The following ADGRG2 variants were observed in gnomAD, a reference collection of about 807,000 sequenced individuals.
The protein encoded by ADGRG2 is adhesion G protein-coupled receptor G2.
ADGRG2 carries 26 observed loss-of-function variants against 74.1 expected under a neutral mutation model. That is an observed-to-expected ratio of 0.35 (90% CI 0.26 to 0.49). ADGRG2 has a LOEUF of 0.49. ADGRG2 is among the 20% of genes least tolerant of loss of function. The pLI is 0.99. For synonymous variants in ADGRG2, 296 were observed against 295.2 expected (o/e 1.00, Z -0.03); for missense variants, 619 against 763.1 (o/e 0.81, Z 2.22).
rs180910788 is a variant in ADGRG2 at position 19,078,052 on chromosome X, G to C, written c.-2+4650C>G. Among the ~76,000 whole-genome samples the C allele has an allele frequency of 5.4e-5, 6 of 111,952 alleles. No individual in the cohort carries two copies. In the East Asian group the frequency reaches 1.7e-3, roughly 31 times the overall value. ...ATCTAGAAGCCCCCATTCAACAACT[G>C]CAGCGCGCATAATCTTTTCAAGAGC... On this transcript the variant is annotated intron_variant, in intron 2 of 28. Coordinates refer to ENST00000379869, the MANE Select transcript of ADGRG2 (RefSeq NM_001079858.3).
intron 20 of ADGRG2, among the ~76,000 whole-genome samples, 156 bp from the exon 21 acceptor site, chrX:19,006,421 C>T (rs2060233728): frequency 9.1e-6 from 1 of 110,142 alleles, no homozygotes; most frequent in South Asian, 3.8e-4. Context: ...TTATATGGTC[C>T]CTAGAAGCAA....
In ADGRG2 at chrX:19,009,614, AT is replaced by A; in HGVS notation, c.1422+11del. On this transcript the variant is annotated intron_variant, in intron 18 of 28. Transcript: ENST00000379869. ...AAGAGAATGTTTTTTTCTGCCATCA[AT>A]TATGATGTACCTGAAGATTTGCAGG... is the stretch of plus-strand genomic sequence containing the variant. The A allele has an allele frequency of 8.3e-7, 1 of 1,197,629 alleles. No individual in the cohort carries two copies. The highest frequency in any genetic ancestry group is 1.1e-6 in the Non-Finnish European group (1 of 882,755).
chrX:19,017,816 A>G (rs1424553535), intron 15 of ADGRG2, among the ~76,000 whole-genome samples: 1 of 110,552 alleles, frequency 9.0e-6, no homozygotes, highest in Non-Finnish European at 1.9e-5. Context: ...TTTTTATCTG[A>G]TTGTAGAAGA....
Position 19,010,602 on chromosome X carries a change from C to A in ADGRG2, c.1265+11G>T. On this transcript the variant is annotated intron_variant, in intron 17 of 28. Coordinates refer to ENST00000379869, the MANE Select transcript of ADGRG2 (RefSeq NM_001079858.3). Reference sequence around the variant, plus strand: ...CCCCTCTTACCACCACTTCAGTTTGCGAAGTCGTACCTTTGAGCCAGAGGG... The same window carrying A: ...CCCCTCTTACCACCACTTCAGTTTGAGAAGTCGTACCTTTGAGCCAGAGGG... 8.4e-7 allele frequency: 1 copy of A among 1,193,514 alleles called. No homozygotes were observed. The highest frequency in any genetic ancestry group is 1.1e-6 in the Non-Finnish European group (1 of 884,257).
chrX:19,031,387 A>C, intron 8 of ADGRG2: 1 of 167,479 alleles, frequency 6.0e-6, no homozygotes, highest in Non-Finnish European at 1.1e-5. Flanking sequence ...ATGGCCCTTA[A>C]TCATAGATCC....
intron 1 of ADGRG2, among the ~76,000 whole-genome samples, chrX:19,120,189 T>C (rs1011286269): frequency 9.0e-6 from 1 of 111,540 alleles, no homozygotes; most frequent in Admixed American, 9.6e-5. Flanking sequence ...AGAATACTCC[T>C]GAAAAGCTAC....
intron 1 of ADGRG2, among the ~76,000 whole-genome samples, chrX:19,093,031 C>T (rs2062037318): frequency 8.9e-6 from 1 of 111,832 alleles, no homozygotes; most frequent in Admixed American, 9.5e-5. Flanking sequence ...AAACATGGCT[C>T]TTTGGTGCCC....
chrX:19,023,734 G>A (rs772285057), intron 12 of ADGRG2, among the ~76,000 whole-genome samples, 175 bp downstream of exon 12: 1 of 111,891 alleles, frequency 8.9e-6, no homozygotes, highest in African/African-American at 3.2e-5. Flanking sequence ...TCCTTATAAT[G>A]TCTACCCATT....
At chrX:19,031,961 A>G (rs1355918925) in intron 8 of ADGRG2, 1 of 112,436 alleles carries the variant, frequency 8.9e-6, no homozygotes, top group Non-Finnish European at 1.9e-5. Context: ...GCCAAGGGAA[A>G]AACTTGTTAT....
chrX:19,109,818 A>G (rs1405295255), intron 1 of ADGRG2, among the ~76,000 whole-genome samples: 1 of 112,139 alleles, frequency 8.9e-6, no homozygotes, highest in Non-Finnish European at 1.9e-5. Context: ...GAGGGCCAGG[A>G]AAGTCCCACA....
Position 18,990,948 on chromosome X carries a change from C to T in ADGRG2, c.2970G>A (p.Lys990=). ...FTGKQHMFNE[K]EDSCNGKGRM... ...GGCCTTTCCCATTGCAGGAATCTTC[C>T]TTCTCGTTAAACATGTGCTGTTTTC... Residue 990 remains lysine, a synonymous_variant, in exon 29 of 29, where the codon AAG becomes AAA. Transcript: ENST00000379869. The T allele has an allele frequency of 8.3e-7, 1 of 1,205,620 alleles. No individual in the cohort carries two copies. The highest frequency in any genetic ancestry group is 1.1e-6 in the Non-Finnish European group (1 of 890,100).
chrX:19,055,680 T>C lies in ADGRG2; in HGVS notation c.118+13037A>G, dbSNP rs139312742. 8.6e-3 allele frequency among the ~76,000 whole-genome samples: 951 copies of C among 110,184 alleles called. 9 individuals carry two copies. The highest frequency in any genetic ancestry group is 0.029 in the African/African-American group (892 of 30,250). ...TCCAAGTTTGCTCTGGAGAGCACGA[T>C]GCGGCAGGCAAACGGGGAAAGAGAG... On this transcript the variant is annotated intron_variant, in intron 3 of 28. Coordinates refer to ENST00000379869, the MANE Select transcript of ADGRG2 (RefSeq NM_001079858.3).
chrX:19,070,934 C>G (rs2061644167), intron 2 of ADGRG2, among the ~76,000 whole-genome samples: 1 of 111,783 alleles, frequency 8.9e-6, no homozygotes, highest in African/African-American at 3.3e-5. Context: ...CAGTGGCTGG[C>G]ACTGTGAATG....
In ADGRG2 at chrX:18,999,879, T is replaced by C. The variant is rs3924227; in HGVS notation, c.2312A>G (p.Asn771Ser). The C allele has an allele frequency of 2.1e-3, 2,484 of 1,177,393 alleles. 52 individuals carry two copies. The East Asian group carries it at 0.062, about 29-fold the overall frequency. Reference sequence around the variant, plus strand: ...TACTCACAAGTCATCCGGTGAACCATTGGGGAATTTCCCATAGGATCCAAG... The same window carrying C: ...TACTCACAAGTCATCCGGTGAACCACTGGGGAATTTCCCATAGGATCCAAG... ...YGLGSYGKFP[N>S]GSPDDFCWIN... is the part of the protein sequence containing the mutation. The change falls in exon 25 of 29, where the codon AAT becomes AGT. Residue 771 changes from asparagine (N) to serine (S), a missense_variant. Physicochemically the swap from Asn to Ser is conservative, Grantham distance 46. Coordinates refer to ENST00000379869, the MANE Select transcript of ADGRG2 (RefSeq NM_001079858.3).
chrX:19,031,321 C>G (rs190579181), intron 8 of ADGRG2: 7 of 312,632 alleles, frequency 2.2e-5, no homozygotes, highest in Non-Finnish European at 3.9e-5. Context: ...AATCCCTCTC[C>G]TGTTCAGTAT....
At chrX:19,026,740 C>T (rs1314428130) in intron 11 of ADGRG2, among the ~76,000 whole-genome samples, 1 of 111,043 alleles carries the variant, frequency 9.0e-6, no homozygotes, top group African/African-American at 3.3e-5. Context: ...AGGTGATCCA[C>T]CTGCCTCGGC....
At chrX:19,017,377 A>G (rs887734761) in intron 15 of ADGRG2, among the ~76,000 whole-genome samples, 1 of 112,226 alleles carries the variant, frequency 8.9e-6, no homozygotes, top group African/African-American at 3.2e-5. Context: ...ACACGGATAC[A>G]CAGCTAGTTA....
intron 1 of ADGRG2, among the ~76,000 whole-genome samples, chrX:19,119,327 T>G (rs904375438): frequency 2.7e-5 from 3 of 112,291 alleles, no homozygotes; most frequent in Non-Finnish European, 5.6e-5. Context: ...TTAGCCCGTT[T>G]AAGTTCCATC....
In ADGRG2 at chrX:18,989,673, A is replaced by T. The variant is rs1034775270; in HGVS notation, c.*1191T>A. 6 of 111,727 alleles carry T rather than the reference A, an allele frequency of 5.4e-5. No homozygotes were observed. The highest frequency in any genetic ancestry group is 2.0e-4 in the African/African-American group (6 of 30,694). 9.2% of individuals were successfully genotyped at this position (111,727 alleles called of 1,213,427 possible). ...GGACAGTTCCCTGTTCCCAATAGCT[A>T]CTCCCCTTGTCACTGTGCATTCTTC... is the stretch of plus-strand genomic sequence containing the variant. On this transcript the variant is annotated 3_prime_UTR_variant, in exon 29 of 29. Transcript: ENST00000379869.
Sources: gnomAD v4.1 joint callset for allele counts (sites outside exome capture counted in the v4.1 genomes callset) on GRCh38, gnomAD v4.1.1 for gene constraint, MANE v1.5 for transcripts, NCBI Gene and HGNC (gene_info 2026-07-23, HGNC 2026-07-21) for gene names.